The following ZMIZ1 variants were observed in gnomAD, a reference collection of about 807,000 sequenced individuals.
The protein encoded by ZMIZ1 is zinc finger MIZ domain-containing protein 1.
A neutral mutation model predicts 113.9 loss-of-function variants in ZMIZ1; 17 were observed. That is an observed-to-expected ratio of 0.15 (90% CI 0.10 to 0.22). The LOEUF is 0.22. ZMIZ1 is among the 10% of genes least tolerant of loss of function. The pLI is 1.00. For synonymous variants in ZMIZ1, 607 were observed against 603.1 expected, an observed-to-expected ratio of 1.01 and a Z score of -0.09; for missense variants, 1,059 against 1,477.8, an observed-to-expected ratio of 0.72 and a Z score of 4.65.
intron 4 of ZMIZ1, among the ~76,000 whole-genome samples, chr10:79,163,850 G>A (rs1846210914): frequency 6.6e-6 from 1 of 152,216 alleles, no homozygotes; most frequent in Non-Finnish European, 1.5e-5. Context: ...CCTGCAACTC[G>A]ATAAGGCTAG....
At chr10:79,186,225 A>G (rs1055036263) in intron 4 of ZMIZ1, among the ~76,000 whole-genome samples, 6 of 152,098 alleles carry the variant, frequency 3.9e-5, no homozygotes, top group African/African-American at 1.4e-4. Flanking sequence ...GGTCTGTCCC[A>G]TGGTCTGTGC....
intron 1 of ZMIZ1, among the ~76,000 whole-genome samples, chr10:79,073,716 G>C (rs1219171265): frequency 6.6e-6 from 1 of 151,914 alleles, no homozygotes; most frequent in African/African-American, 2.4e-5. Context: ...GCAGAAGGGG[G>C]AAGGGTCTGC....
chr10:79,153,198 C>A (rs1220138497), intron 3 of ZMIZ1, among the ~76,000 whole-genome samples: 1 of 152,236 alleles, frequency 6.6e-6, no homozygotes, highest in Non-Finnish European at 1.5e-5. Flanking sequence ...GGGCCCTGGG[C>A]CATGCTCTGG....
intron 7 of ZMIZ1, among the ~76,000 whole-genome samples, chr10:79,266,175 C>T (rs1186228386): frequency 6.6e-6 from 1 of 152,152 alleles, no homozygotes; most frequent in Non-Finnish European, 1.5e-5. Context: ...GGAAGTTGCC[C>T]ACAGTCACAC....
At chr10:79,262,401 C>G (rs1038236142) in intron 7 of ZMIZ1, among the ~76,000 whole-genome samples, 52 of 152,254 alleles carry the variant, frequency 3.4e-4, no homozygotes, top group African/African-American at 1.1e-3. Flanking sequence ...GCCTGGAGAT[C>G]CAGGCTGCAG....
chr10:79,235,284 C>A, intron 7 of ZMIZ1, among the ~76,000 whole-genome samples: 1 of 152,304 alleles, frequency 6.6e-6, no homozygotes. Flanking sequence ...TCCTCTCACA[C>A]GGGGTGGTGA....
chr10:79,269,562 G>C (rs543352973), intron 7 of ZMIZ1, among the ~76,000 whole-genome samples: 3 of 151,840 alleles, frequency 2.0e-5, no homozygotes, highest in African/African-American at 7.3e-5. Flanking sequence ...TTCATTTTGC[G>C]TGTGGCTTCC....
At chr10:79,304,948 G>T (rs905708284) in intron 19 of ZMIZ1, among the ~76,000 whole-genome samples, 1 of 152,172 alleles carries the variant, frequency 6.6e-6, no homozygotes, top group African/African-American at 2.4e-5. Flanking sequence ...GTCATTTGGG[G>T]CATGGGAGGT....
At chr10:79,232,705 T>C (rs1427268695) in intron 7 of ZMIZ1, among the ~76,000 whole-genome samples, 1 of 152,184 alleles carries the variant, frequency 6.6e-6, no homozygotes, top group Non-Finnish European at 1.5e-5. Flanking sequence ...GGAGTTACCA[T>C]GTTTTAGATG....
intron 7 of ZMIZ1, among the ~76,000 whole-genome samples, chr10:79,248,091 G>A (rs1003501589): frequency 4.6e-5 from 7 of 152,196 alleles, no homozygotes; most frequent in African/African-American, 1.2e-4. Context: ...GCCACCACCC[G>A]CATCTGGGTG....
Position 79,277,182 on chromosome 10 carries a change from C to T in ZMIZ1, c.282C>T (p.Ala94=), listed in dbSNP as rs771317384. The T allele has an allele frequency of 6.5e-7, 1 of 1,541,430 alleles. No individual in the cohort carries two copies. The highest frequency in any genetic ancestry group is 2.5e-5 in the East Asian group (1 of 39,606). Residue 94 remains alanine, a splice_region_variant and synonymous_variant, in exon 8 of 25, where the codon GCC becomes GCT. Coordinates refer to ENST00000334512, the MANE Select transcript of ZMIZ1 (RefSeq NM_020338.4). The stretch of plus-strand genomic sequence containing the variant: ...CTGACTGTCCTGTCCTTCCTGCAGC[C>T]TTGTTGTCCTCCTGGTGCGAAGAGC... The part of the protein sequence containing the change: ...NRDKFTPKSA[A]LLSSWCEELG...
intron 3 of ZMIZ1, among the ~76,000 whole-genome samples, chr10:79,154,363 C>A (rs2132464089): frequency 6.6e-6 from 1 of 152,252 alleles, no homozygotes; most frequent in East Asian, 1.9e-4. Flanking sequence ...TTGGGGGCCT[C>A]CCAGAGGTGG....
In ZMIZ1 at chr10:79,296,462, C is replaced by A; in HGVS notation, c.1231-9C>A. On this transcript the variant is annotated splice_polypyrimidine_tract_variant and intron_variant, in intron 12 of 24. Transcript: ENST00000334512. This position sits in a 1 kb window ranked among gnomAD's most constrained non-coding sequence, Gnocchi z 4.1. ...ACGTGTTTCCCCTCTCCTTTCTCTC[C>A]CACCACAGCCCAACTATGGAAACCA... 6.2e-7 allele frequency: 1 copy of A among 1,613,854 alleles called. No individual in the cohort carries two copies. Among genetic ancestry groups the A allele is most frequent in the Non-Finnish European group, 8.5e-7 (1 of 1,179,846 alleles).
At chr10:79,238,371 T>C (rs1173534095) in intron 7 of ZMIZ1, among the ~76,000 whole-genome samples, 1 of 152,168 alleles carries the variant, frequency 6.6e-6, no homozygotes, top group Non-Finnish European at 1.5e-5. Context: ...TGCTGGAGGA[T>C]ACGCCCAGGA....
intron 7 of ZMIZ1, among the ~76,000 whole-genome samples, chr10:79,231,190 C>T (rs541992683): frequency 2.0e-4 from 31 of 152,372 alleles, no homozygotes; most frequent in African/African-American, 6.7e-4. Context: ...TGAGGCCATG[C>T]GTGACACACA....
At chr10:79,290,319 C>T (rs1042148962) in intron 9 of ZMIZ1, among the ~76,000 whole-genome samples, 1 of 152,224 alleles carries the variant, frequency 6.6e-6, no homozygotes, top group Non-Finnish European at 1.5e-5. Context: ...CCTAGTCAGA[C>T]CCACCTCCCT....
Position 79,240,638 on chromosome 10 carries a change from C to CTTTTTTTTTTTTTTTTT in ZMIZ1, c.280+24375_280+24391dup, listed in dbSNP as rs56903717. On this transcript the variant is annotated intron_variant, in intron 7 of 24. Coordinates refer to ENST00000334512, the MANE Select transcript of ZMIZ1 (RefSeq NM_020338.4). ...CGTAAATCTAGTGAAGAGTATTTATCTTTTTTTTTTTTTTTTTTTTTTTTT... is the reference window on the plus strand; with the variant it reads ...CGTAAATCTAGTGAAGAGTATTTATCTTTTTTTTTTTTTTTTTTTTTTTTTTTTTTTTTTTTTTTTTT... 3.8e-4 allele frequency among the ~76,000 whole-genome samples: 21 copies of CTTTTTTTTTTTTTTTTT among 55,322 alleles called. 4 individuals are homozygous for CTTTTTTTTTTTTTTTTT. The highest frequency in any genetic ancestry group is 1.9e-3 in the East Asian group (2 of 1,032). The allele number at this position is 55,322 out of a possible 152,430, so 36.3% of individuals were successfully genotyped here.
At chr10:79,303,347 A>T (rs1854456712) in intron 18 of ZMIZ1, among the ~76,000 whole-genome samples, 1 of 151,510 alleles carries the variant, frequency 6.6e-6, no homozygotes, top group African/African-American at 2.4e-5. Flanking sequence ...CCAGCTGCTC[A>T]GAAGGCTGAG....
rs867655363 is a variant in ZMIZ1 at position 79,300,366 on chromosome 10, G to A, written c.1809-366G>A. ...ACAGCTCCCAGCAGGTCTAGAGATG[G>A]GGTTGGCTGGCCTCACAGCAGGTCT... On this transcript the variant is annotated intron_variant, in intron 16 of 24. Coordinates refer to ENST00000334512, the MANE Select transcript of ZMIZ1 (RefSeq NM_020338.4). 1.8e-4 allele frequency among the ~76,000 whole-genome samples: 28 copies of A among 152,294 alleles called. No individual in the cohort carries two copies. The Middle Eastern group carries it at 0.01, about 56-fold the overall frequency.
Sources: gnomAD v4.1 joint callset for allele counts (sites outside exome capture counted in the v4.1 genomes callset) on GRCh38, gnomAD v4.1.1 for gene constraint, Gnocchi (gnomAD v3.1) non-coding constraint, MANE v1.5 for transcripts, NCBI Gene and HGNC (gene_info 2026-07-23, HGNC 2026-07-21) for gene names.